The following CDCP2 variants were observed in gnomAD, a reference collection of about 807,000 sequenced individuals.
The protein encoded by CDCP2 is CUB domain-containing protein 2.
In CDCP2, 31 loss-of-function variants were observed where a neutral mutation model predicts 31.0. That is an observed-to-expected ratio of 1.00 (90% CI 0.75 to 1.35). CDCP2 has a LOEUF of 1.35. CDCP2 is among the 40% of genes most tolerant of loss of function. The pLI, the probability that CDCP2 is intolerant of heterozygous loss-of-function variation, is 0.00. For synonymous variants in CDCP2, 206 were observed against 207.9 expected (o/e 0.99, Z 0.08); for missense variants, 443 against 482.6 (o/e 0.92, Z 0.77).
exon 6 of CDCP2, chr1:54,133,220 A>C (rs1415379171): frequency 2.5e-6 from 1 of 399,106 alleles, no homozygotes; most frequent in Non-Finnish European, 4.4e-6. Flanking sequence ...CCTCGTACTC[A>C]TGGATGTCCT....
chr1:54,149,307 C>A (rs371161170), intron 1 of CDCP2, among the ~76,000 whole-genome samples: 2 of 151,934 alleles, frequency 1.3e-5, no homozygotes, highest in South Asian at 2.1e-4. Context: ...TTATGTGTTT[C>A]TCTGTTAGAG....
chr1:54,150,950 G>C (rs1659573491), intron 1 of CDCP2, among the ~76,000 whole-genome samples: 1 of 152,212 alleles, frequency 6.6e-6, no homozygotes. Context: ...CATGGAGTGG[G>C]CCAGGGGGAG....
chr1:54,136,503 G>T (rs1465099056), intron 5 of CDCP2, 127 bp downstream of exon 5: 10 of 398,012 alleles, frequency 2.5e-5, no homozygotes, highest in Non-Finnish European at 3.1e-5. Context: ...GCCAAGAAGG[G>T]GTTAGCTCTG....
intron 5 of CDCP2, 109 bp downstream of exon 5, chr1:54,136,521 G>C (rs1351007624): frequency 2.5e-6 from 1 of 398,294 alleles, no homozygotes. Context: ...CTGCATCCAG[G>C]CCTGTGTGGC....
intron 1 of CDCP2, among the ~76,000 whole-genome samples, chr1:54,146,758 C>T (rs1026210232): frequency 6.6e-6 from 1 of 151,710 alleles, no homozygotes; most frequent in Non-Finnish European, 1.5e-5. Flanking sequence ...CCATGCCAAA[C>T]AGCAAAGAAG....
At chr1:54,133,682 G>A (rs536293817) in intron 5 of CDCP2, among the ~76,000 whole-genome samples, 16 of 152,156 alleles carry the variant, frequency 1.1e-4, no homozygotes, top group Non-Finnish European at 1.8e-4. Flanking sequence ...GGATCATGAG[G>A]TCAGGAGATC....
intron 4 of CDCP2, chr1:54,139,517 A>C (rs1466199484): frequency 5.6e-6 from 9 of 1,611,370 alleles, no homozygotes; most frequent in Non-Finnish European, 6.8e-6. Context: ...AGGACTCACG[A>C]AGTTAGAAGC....
At chr1:54,135,938 A>G (rs374186688) in intron 5 of CDCP2, among the ~76,000 whole-genome samples, 57 of 152,266 alleles carry the variant, frequency 3.7e-4, no homozygotes, top group African/African-American at 1.3e-3. Flanking sequence ...CCTTTTCTCC[A>G]TACCCCACTT....
intron 1 of CDCP2, 50 bp from the exon 2 acceptor site, chr1:54,144,863 A>G (rs1300682468): frequency 6.8e-7 from 1 of 1,463,390 alleles, no homozygotes; most frequent in South Asian, 1.3e-5. Flanking sequence ...GGTCTTGGGT[A>G]CATGTGGTAA....
At chr1:54,137,694 T>TGTGTGCGTGTGTGCGCGCGC (rs1659283349) in intron 4 of CDCP2, 1 of 118,318 alleles carries the variant, frequency 8.5e-6, no homozygotes, top group African/African-American at 3.3e-5. Flanking sequence ...CGTGTGTGTG[T>TGTGTGCGTGTGTGCGCGCGC]GTGTGTGTGT....
intron 1 of CDCP2, among the ~76,000 whole-genome samples, chr1:54,151,549 C>T (rs1659584134): frequency 6.6e-6 from 1 of 152,136 alleles, no homozygotes; most frequent in Admixed American, 6.5e-5. Context: ...CCAGGGTTAC[C>T]CCAAGGCCCC....
At chr1:54,136,686 C>CTGT (rs1340912944) in exon 5 of CDCP2, 1 of 399,158 alleles carries the variant, frequency 2.5e-6, no homozygotes, top group Non-Finnish European at 4.4e-6. Context: ...TTGCCGCCGA[C>CTGT]CTCCTGGGCG....
intron 1 of CDCP2, among the ~76,000 whole-genome samples, chr1:54,152,086 G>T (rs1659593179): frequency 6.6e-6 from 1 of 152,144 alleles, no homozygotes; most frequent in Non-Finnish European, 1.5e-5. Flanking sequence ...CACTCAGAGG[G>T]CACTGAATAC....
At position 54,137,692 on chromosome 1, in the gene CDCP2, T is replaced by TGTGTGTGTGTGCGCGCGCGCGC. The variant is rs1553173556; in HGVS notation, c.1118-885_1118-884insGCGCGCGCGCGCACACACACAC. 6 of 146,198 alleles carry TGTGTGTGTGTGCGCGCGCGCGC rather than the reference T, an allele frequency of 4.1e-5. No homozygotes were observed. The East Asian group carries it at 1.0e-3, about 25-fold the overall frequency. 9.1% of individuals were successfully genotyped at this position (146,198 alleles called of 1,614,324 possible). ...GTGTGTGTGTGTGTGTGCGTGTGTG[T>TGTGTGTGTGTGCGCGCGCGCGC]GTGTGTGTGTGTGCATGCGGGGGCA... On this transcript the variant is annotated intron_variant, in intron 4 of 5. Transcript: ENST00000530059.
intron 1 of CDCP2, among the ~76,000 whole-genome samples, chr1:54,145,296 C>T (rs955298735): frequency 3.3e-5 from 5 of 152,132 alleles, no homozygotes; most frequent in East Asian, 3.9e-4. Context: ...CGTGGTGGTG[C>T]GCGCCTGTAG....
At chr1:54,150,897 G>T (rs546361977) in intron 1 of CDCP2, among the ~76,000 whole-genome samples, 4 of 152,336 alleles carry the variant, frequency 2.6e-5, no homozygotes, top group Admixed American at 2.0e-4. Context: ...CCCTGTACCA[G>T]GCTTGTGCTG....
chr1:54,141,515 A>C, intron 2 of CDCP2, 82 bp from the exon 3 acceptor site: 3 of 1,209,430 alleles, frequency 2.5e-6, no homozygotes, highest in African/African-American at 1.5e-5. Context: ...ACACTCCAAC[A>C]TGCTGCCCCC....
intron 1 of CDCP2, among the ~76,000 whole-genome samples, chr1:54,149,036 TG>T (rs1248800059): frequency 1.3e-5 from 2 of 148,348 alleles, no homozygotes; most frequent in African/African-American, 5.0e-5. Flanking sequence ...GGTCAATAGT[TG>T]GGGAAAACTG....
intron 2 of CDCP2, 149 bp from the exon 3 acceptor site, chr1:54,141,582 C>G: frequency 1.5e-6 from 1 of 662,040 alleles, no homozygotes; most frequent in Non-Finnish European, 2.6e-6. Flanking sequence ...ACCCAAGTAG[C>G]AAGTGTAGCA....
Sources: allele counts gnomAD v4.1 joint callset (sites outside exome capture counted in the v4.1 genomes callset), GRCh38; gene constraint gnomAD v4.1.1; transcripts MANE v1.5; gene names NCBI Gene and HGNC (gene_info 2026-07-23, HGNC 2026-07-21).